RIC3: variants seen among roughly 807,000 people sequenced by gnomAD.
RIC3 encodes the protein protein RIC-3.
A neutral mutation model predicts 27.3 loss-of-function variants in RIC3; 28 were observed. The ratio of observed to expected loss-of-function variants is 1.02; its 90% CI spans 0.76 to 1.41. The LOEUF is 1.41. RIC3 is among the 40% of genes most tolerant of loss of function. The pLI, the probability that RIC3 is intolerant of heterozygous loss-of-function variation, is 0.00. For synonymous variants in RIC3, 184 were observed against 160.4 expected, an observed-to-expected ratio of 1.15 and a Z score of -1.11; for missense variants, 501 against 444.7, an observed-to-expected ratio of 1.13 and a Z score of -1.14.
chr11:8,122,852 C>G (rs1232072924), intron 5 of RIC3, among the ~76,000 whole-genome samples: 5 of 127,722 alleles, frequency 3.9e-5, no homozygotes, highest in Non-Finnish European at 7.9e-5. Flanking sequence ...CAATCAAAAC[C>G]TACCAGGTAT....
intron 1 of RIC3, among the ~76,000 whole-genome samples, chr11:8,150,043 G>A (rs1043200693): frequency 6.6e-5 from 10 of 152,098 alleles, no homozygotes; most frequent in African/African-American, 2.4e-4. Context: ...CATTTTGTGT[G>A]TATAAGACCC....
the RIC3 span, among the ~76,000 whole-genome samples, chr11:8,098,282 G>A: frequency 2.0e-5 from 3 of 152,292 alleles, no homozygotes; most frequent in African/African-American, 7.2e-5. Flanking sequence ...GGTAGGGTTT[G>A]CTGAGGAACT....
intron 5 of RIC3, among the ~76,000 whole-genome samples, chr11:8,122,796 A>G (rs996916850): frequency 2.0e-5 from 3 of 151,502 alleles, no homozygotes; most frequent in African/African-American, 7.3e-5. Context: ...AAGTACTAAA[A>G]CAAAATCCAG....
At chr11:8,115,795 T>C (rs1945797473) in intron 5 of RIC3, among the ~76,000 whole-genome samples, 1 of 152,218 alleles carries the variant, frequency 6.6e-6, no homozygotes, top group African/African-American at 2.4e-5. Context: ...TTGGAAGAAT[T>C]GATACTGCTA....
chr11:8,095,415 C>T, the RIC3 span: 32 of 1,448,790 alleles, frequency 2.2e-5, no homozygotes, highest in Non-Finnish European at 3.0e-5. Flanking sequence ...CCACTCTTCC[C>T]TCATCCCCTT....
chr11:8,097,847 A>T, the RIC3 span: 2 of 1,597,980 alleles, frequency 1.3e-6, no homozygotes, highest in Non-Finnish European at 8.6e-7. Flanking sequence ...TCCCCCAGGA[A>T]GCAGGCGGGA....
At position 8,139,986 on chromosome 11, in the gene RIC3, A is replaced by G; in HGVS notation, c.332T>C (p.Ile111Thr). ...ACTTACCTTAAATAGAATGTACAGT[A>G]TATATAAAAAAATCCCAAAACCGTA... is the stretch of plus-strand genomic sequence containing the variant. ...PIYGFGIFLY[I>T]LYILFKLSKG... Residue 111 changes from isoleucine (I) to threonine (T), a missense_variant, in exon 2 of 6, where the codon ATA (isoleucine) becomes ACA (threonine). By Grantham distance (89) the Ile-to-Thr change is moderately conservative. Transcript: ENST00000309737. 2 of 1,613,852 alleles carry G rather than the reference A, an allele frequency of 1.2e-6. No individual in the cohort carries two copies. Among genetic ancestry groups the G allele is most frequent in the Non-Finnish European group, 1.7e-6 (2 of 1,179,762 alleles).
In RIC3 at chr11:8,126,714, G is replaced by A. The variant is rs1191070699; in HGVS notation, c.615C>T (p.Asp205=). The part of the protein sequence containing the change: ...TRVMKEGKFI[D]RFSPEKEAEE... ...CAGCTTCTTTCTCTGGAGAAAATCT[G>A]TCAATGAATTTTCCTTCTTTCATGA... The change falls in exon 5 of 6, where the codon GAC becomes GAT. Residue 205 remains aspartate, a synonymous_variant. Coordinates refer to ENST00000309737, the MANE Select transcript of RIC3 (RefSeq NM_001206671.4). 6.2e-7 allele frequency: 1 copy of A among 1,614,100 alleles called. No homozygotes were observed. Among genetic ancestry groups the A allele is most frequent in the African/African-American group, 1.3e-5 (1 of 75,018 alleles).
chr11:8,093,795 T>G, the RIC3 span, among the ~76,000 whole-genome samples: 5 of 152,058 alleles, frequency 3.3e-5, no homozygotes, highest in Admixed American at 2.6e-4. Context: ...TGATCACAGG[T>G]TTTGGTCTGG....
At chr11:8,149,596 A>T (rs1950040194) in intron 1 of RIC3, among the ~76,000 whole-genome samples, 1 of 152,210 alleles carries the variant, frequency 6.6e-6, no homozygotes, top group Non-Finnish European at 1.5e-5. Flanking sequence ...TGAGATGCAA[A>T]TCACTGAGGT....
chr11:8,149,504 C>T lies in RIC3; in HGVS notation c.125-9311G>A, dbSNP rs80179904. Reference sequence around the variant, plus strand: ...GAAGGGTACTTGATGGGGATTAATCCAGCAGCAGAATATAGGCTCTAATAT... The same window carrying T: ...GAAGGGTACTTGATGGGGATTAATCTAGCAGCAGAATATAGGCTCTAATAT... On this transcript the variant is annotated intron_variant, in intron 1 of 5. Transcript: ENST00000309737. 6.3e-3 allele frequency among the ~76,000 whole-genome samples: 955 copies of T among 152,112 alleles called. 11 individuals are homozygous for T. Among genetic ancestry groups the T allele is most frequent in the African/African-American group, 0.022 (929 of 41,470 alleles).
chr11:8,099,158 C>T, the RIC3 span, among the ~76,000 whole-genome samples: 1 of 152,060 alleles, frequency 6.6e-6, no homozygotes, highest in Non-Finnish European at 1.5e-5. Flanking sequence ...AGGAGACGGT[C>T]GCCCTGGGTT....
intron 4 of RIC3, chr11:8,135,735 T>C (rs1948322046): frequency 6.6e-6 from 1 of 152,240 alleles, no homozygotes; most frequent in Admixed American, 6.5e-5. Context: ...TTCATGACCC[T>C]TAGGTGTGGC....
rs1449921182 is a variant in RIC3 at position 8,137,525 on chromosome 11, TA to T, written c.428-55del. On this transcript the variant is annotated intron_variant, in intron 3 of 5. Coordinates refer to ENST00000309737, the MANE Select transcript of RIC3 (RefSeq NM_001206671.4). ...ATCAGAGACAACTCCCTAAACCTGT[TA>T]AAGAGACCACAAATTTTTAAAAAGC... 4 of 1,425,022 alleles carry T rather than the reference TA, an allele frequency of 2.8e-6. No individual in the cohort carries two copies. The Admixed American group carries it at 7.2e-5, about 26-fold the overall frequency. 88.3% of individuals were successfully genotyped at this position (1,425,022 alleles called of 1,614,324 possible).
At position 8,139,999 on chromosome 11, in the gene RIC3, T is replaced by A. The variant is rs1234498020; in HGVS notation, c.319A>T (p.Ile107Phe). ...AGAATGTACAGTATATATAAAAAAA[T>A]CCCAAAACCGTAGATTGGAATAATC... ...GQIIPIYGFG[I>F]FLYILYILFK... Residue 107 changes from isoleucine (I) to phenylalanine (F), a missense_variant, in exon 2 of 6, where the codon ATT becomes TTT. Transcript: ENST00000309737. 1 of 1,613,948 alleles carries A rather than the reference T, an allele frequency of 6.2e-7. No individual in the cohort carries two copies. The highest frequency in any genetic ancestry group is 1.7e-5 in the Admixed American group (1 of 59,962).
At chr11:8,112,294 C>CTTTTT (rs11376341) in intron 5 of RIC3, among the ~76,000 whole-genome samples, 4 of 124,310 alleles carry the variant, frequency 3.2e-5, no homozygotes, top group Non-Finnish European at 3.4e-5. Flanking sequence ...CTTTTCTTTT[C>CTTTTT]TTTTTTTTTT....
the RIC3 span, among the ~76,000 whole-genome samples, chr11:8,098,408 C>T: frequency 4.6e-5 from 7 of 152,288 alleles, no homozygotes; most frequent in Non-Finnish European, 1.0e-4. Context: ...CCTCTCTCCA[C>T]GGGTGCTAAG....
intron 1 of RIC3, among the ~76,000 whole-genome samples, chr11:8,142,321 A>G (rs1466451509): frequency 1.3e-5 from 2 of 148,898 alleles, no homozygotes; most frequent in Non-Finnish European, 3.0e-5. Context: ...TCAAATAGAC[A>G]CAATAAAAAA....
intron 1 of RIC3, among the ~76,000 whole-genome samples, chr11:8,152,173 T>C (rs570135221): frequency 6.6e-6 from 1 of 152,248 alleles, no homozygotes; most frequent in South Asian, 2.1e-4. Flanking sequence ...GCAGCTGCTT[T>C]GGAAAACAGT....
Sources: gnomAD v4.1 joint callset for allele counts (sites outside exome capture counted in the v4.1 genomes callset) on GRCh38, gnomAD v4.1.1 for gene constraint, MANE v1.5 for transcripts, NCBI Gene and HGNC (gene_info 2026-07-23, HGNC 2026-07-21) for gene names.